Variants in ELF2 observed in about 807,000 individuals in gnomAD.
ELF2 encodes the protein E74 like ETS transcription factor 2.
ELF2 carries 11 observed loss-of-function variants against 54.8 expected under a neutral mutation model. That is an observed-to-expected ratio of 0.20 (90% CI 0.13 to 0.33). The LOEUF is 0.33. ELF2 is among the 10% of genes least tolerant of loss of function. ELF2 has a pLI of 1.00. For missense variants in ELF2, 513 were observed against 703.0 expected, an observed-to-expected ratio of 0.73 and a Z score of 3.06; for synonymous variants, 203 against 245.1, an observed-to-expected ratio of 0.83 and a Z score of 1.61.
intron 1 of ELF2, among the ~76,000 whole-genome samples, chr4:139,176,216 C>G (rs1256539756): frequency 6.6e-6 from 1 of 152,206 alleles, no homozygotes; most frequent in Non-Finnish European, 1.5e-5. Context: ...GAAACAGATT[C>G]CGATCCGAGC....
At chr4:139,068,029 A>T (rs1214753383) in intron 6 of ELF2, among the ~76,000 whole-genome samples, 2 of 151,648 alleles carry the variant, frequency 1.3e-5, no homozygotes, top group African/African-American at 4.8e-5. Context: ...TTGATTTGCC[A>T]ATCTTTTTTT....
At position 139,150,592 on chromosome 4, in the gene ELF2, G is replaced by A. The variant is rs145676544; in HGVS notation, c.-251-11095C>T. 1.1e-3 allele frequency among the ~76,000 whole-genome samples: 172 copies of A among 151,724 alleles called. 1 individual carries two copies. Among genetic ancestry groups the A allele is most frequent in the African/African-American group, 4.1e-3 (169 of 41,358 alleles). On this transcript the variant is annotated intron_variant, in intron 1 of 9. Transcript: ENST00000686138. ...GCCAAGACCCTCCTCAAGAACTGCT[G>A]TAGTCTATACTAACTAGGCAATAAG...
In ELF2 at chr4:139,061,900, T is replaced by C. The variant is rs1418359468; in HGVS notation, c.771A>G (p.Pro257=). 5.0e-6 allele frequency: 8 copies of C among 1,613,742 alleles called. No individual in the cohort carries two copies. The highest frequency in any genetic ancestry group is 6.8e-6 in the Non-Finnish European group (8 of 1,179,820). The stretch of plus-strand genomic sequence containing the variant: ...GTCCCATGGTTTCATAGTTCATGTC[T>C]GGTTTGTTCTTATGCTTTCCCCAAA... ...SKLWGKHKNK[P]DMNYETMGRA... Residue 257 remains proline (P), a synonymous_variant, in exon 8 of 10, where the codon CCA becomes CCG. Coordinates refer to ENST00000686138, the MANE Select transcript of ELF2 (RefSeq NM_001331036.3).
intron 1 of ELF2, 52 bp from the exon 2 acceptor site, chr4:139,139,549 C>T (rs1002772727): frequency 2.0e-6 from 2 of 996,804 alleles, no homozygotes; most frequent in African/African-American, 3.4e-5. Context: ...TATTAAAAAG[C>T]ACTATGCTCA....
chr4:139,115,928 ACCT>A (rs1272601553), intron 4 of ELF2, among the ~76,000 whole-genome samples: 87 of 152,044 alleles, frequency 5.7e-4, no homozygotes, highest in African/African-American at 1.9e-3. Context: ...TGCAACCTCC[ACCT>A]CCTGGGTTCA....
intron 4 of ELF2, chr4:139,115,109 C>A: frequency 6.2e-7 from 1 of 1,613,912 alleles, no homozygotes; most frequent in Non-Finnish European, 8.5e-7. Flanking sequence ...TCTGGGATCT[C>A]CTCTTCCTGG....
intron 4 of ELF2, among the ~76,000 whole-genome samples, chr4:139,098,647 T>C (rs1733544040): frequency 6.6e-6 from 1 of 151,982 alleles, no homozygotes; most frequent in South Asian, 2.1e-4. Context: ...TTTTTGTATT[T>C]TTGGTAGAGA....
At position 139,092,250 on chromosome 4, in the gene ELF2, A is replaced by C. The variant is rs1384333294; in HGVS notation, c.239-18683T>G. On this transcript the variant is annotated intron_variant, in intron 4 of 9. Transcript: ENST00000686138. Reference sequence around the variant, plus strand: ...GGTGGCAGGCGACTTAATCCCAGCTATTTGGGAGGCAGAGGCAGGAGAATC... The same window carrying C: ...GGTGGCAGGCGACTTAATCCCAGCTCTTTGGGAGGCAGAGGCAGGAGAATC... Among the ~76,000 whole-genome samples the C allele has an allele frequency of 2.0e-5, 3 of 151,548 alleles. No individual in the cohort carries two copies. In the East Asian group the frequency reaches 5.8e-4, roughly 29 times the overall value.
chr4:139,111,062 TA>T (rs1285434462), intron 4 of ELF2, among the ~76,000 whole-genome samples: 2 of 152,090 alleles, frequency 1.3e-5, no homozygotes, highest in Non-Finnish European at 2.9e-5. Context: ...TTACATTTTT[TA>T]AAAAGAAAAA....
At position 139,091,026 on chromosome 4, in the gene ELF2, C is replaced by A. The variant is rs186775792; in HGVS notation, c.239-17459G>T. ...TGGGCTCACTGCAAGCTCCACCTTC[C>A]GGGTTCACGCCATTCTCCTGCCTCA... On this transcript the variant is annotated intron_variant, in intron 4 of 9. Coordinates refer to ENST00000686138, the MANE Select transcript of ELF2 (RefSeq NM_001331036.3). 1.4e-3 allele frequency among the ~76,000 whole-genome samples: 207 copies of A among 152,188 alleles called. 2 individuals are homozygous for A. The highest frequency in any genetic ancestry group is 3.4e-3 in the African/African-American group (143 of 41,520).
At chr4:139,152,298 G>A (rs969236512) in intron 1 of ELF2, among the ~76,000 whole-genome samples, 4 of 151,748 alleles carry the variant, frequency 2.6e-5, no homozygotes, top group Admixed American at 6.6e-5. Context: ...CAGTATTATC[G>A]TGACACTGAA....
chr4:139,081,192 C>G (rs1731063121), intron 4 of ELF2, among the ~76,000 whole-genome samples: 1 of 152,074 alleles, frequency 6.6e-6, no homozygotes, highest in South Asian at 2.1e-4. Context: ...TACGTCGAGT[C>G]TTTACTACAA....
At chr4:139,167,886 A>G (rs990833558) in intron 1 of ELF2, among the ~76,000 whole-genome samples, 4 of 152,328 alleles carry the variant, frequency 2.6e-5, no homozygotes, top group African/African-American at 9.6e-5. Flanking sequence ...ATAATTGAAC[A>G]AGGGGAGACT....
Position 139,143,351 on chromosome 4 carries a change from A to G in ELF2, c.-251-3854T>C, listed in dbSNP as rs76353721. On this transcript the variant is annotated intron_variant, in intron 1 of 9. Coordinates refer to ENST00000686138, the MANE Select transcript of ELF2 (RefSeq NM_001331036.3). ...TGATCACAGAGGAGCACACAAAGAA[A>G]TGAGTAGATATTATTGTTATGCCTC... Among the ~76,000 whole-genome samples, 29 of 152,318 alleles carry G rather than the reference A, an allele frequency of 1.9e-4. 1 individual carries two copies. Among genetic ancestry groups the G allele is most frequent in the African/African-American group, 6.0e-4 (25 of 41,554 alleles).
intron 4 of ELF2, among the ~76,000 whole-genome samples, chr4:139,113,038 T>C (rs1735134240): frequency 1.3e-5 from 2 of 152,240 alleles, no homozygotes; most frequent in African/African-American, 4.8e-5. Context: ...AACAGATGTT[T>C]CTTGGTATAC....
intron 1 of ELF2, among the ~76,000 whole-genome samples, chr4:139,143,074 T>C (rs996226184): frequency 1.3e-5 from 2 of 152,108 alleles, no homozygotes; most frequent in Non-Finnish European, 2.9e-5. Flanking sequence ...ATCTACCTAA[T>C]GTAACTATTT....
At chr4:139,143,711 C>T (rs1021882816) in intron 1 of ELF2, among the ~76,000 whole-genome samples, 2 of 152,018 alleles carry the variant, frequency 1.3e-5, no homozygotes, top group African/African-American at 4.8e-5. Context: ...GCTCGGGAGG[C>T]GGAGGTTGCA....
chr4:139,079,862 T>C (rs1284663859), intron 4 of ELF2, among the ~76,000 whole-genome samples: 3 of 152,204 alleles, frequency 2.0e-5, no homozygotes, highest in South Asian at 4.1e-4. Flanking sequence ...GCCAAGATTG[T>C]GCCACTGCAC....
chr4:139,082,504 T>C (rs1731256427), intron 4 of ELF2, among the ~76,000 whole-genome samples: 1 of 152,236 alleles, frequency 6.6e-6, no homozygotes, highest in African/African-American at 2.4e-5. Context: ...ACACATATTT[T>C]TACATTTTAT....
Sources: gnomAD v4.1 joint callset for allele counts (sites outside exome capture counted in the v4.1 genomes callset) on GRCh38, gnomAD v4.1.1 for gene constraint, MANE v1.5 for transcripts, NCBI Gene and HGNC (gene_info 2026-07-23, HGNC 2026-07-21) for gene names.